Variants in SNX8 observed in about 807,000 individuals in gnomAD.
SNX8 encodes the protein sorting nexin 8, also known as sorting nexin-8.
SNX8 carries 25 observed loss-of-function variants against 51.6 expected under a neutral mutation model. That is an observed-to-expected ratio of 0.48 (90% CI 0.35 to 0.68). The LOEUF (loss-of-function observed/expected upper bound fraction) is 0.68. SNX8 is among the 30% of genes least tolerant of loss of function. The pLI, the probability that SNX8 is intolerant of heterozygous loss-of-function variation, is 0.00. For missense variants in SNX8, 695 were observed against 624.0 expected, an observed-to-expected ratio of 1.11 and a Z score of -1.21; for synonymous variants, 324 against 277.0, an observed-to-expected ratio of 1.17 and a Z score of -1.68.
rs1795140306 is a variant in SNX8, at chr7:2,254,996, C to G, written c.*60G>C. 1.8e-6 allele frequency: 2 copies of G among 1,121,506 alleles called. No individual in the cohort carries two copies. The highest frequency in any genetic ancestry group is 2.6e-6 in the Non-Finnish European group (2 of 758,986). 69.5% of individuals were successfully genotyped at this position (1,121,506 alleles called of 1,614,324 possible). On this transcript the variant is annotated 3_prime_UTR_variant, in exon 11 of 11. Transcript: ENST00000222990. ...CCGTCCAAAGGGAATTACACCGGGA[C>G]ACACCGTTTGGAAAGAGGTTTTAGT...
intron 1 of SNX8, among the ~76,000 whole-genome samples, chr7:2,300,571 C>A (rs1796368310): frequency 6.6e-6 from 1 of 152,082 alleles, no homozygotes; most frequent in South Asian, 2.1e-4. Context: ...TACCACCATG[C>A]CTGGCTAATT....
At chr7:2,313,070 T>C (rs1426745967) in intron 1 of SNX8, among the ~76,000 whole-genome samples, 1 of 151,924 alleles carries the variant, frequency 6.6e-6, no homozygotes, top group African/African-American at 2.4e-5. Flanking sequence ...GCTAATTTTT[T>C]TTGTATTTTT....
chr7:2,264,517 G>T (rs1177137891), intron 5 of SNX8, 59 bp from the exon 6 acceptor site: 3 of 1,527,638 alleles, frequency 2.0e-6, no homozygotes, highest in Non-Finnish European at 2.7e-6. Context: ...CCTGTCAGAC[G>T]GCAGCAGCCG....
At chr7:2,311,702 C>A (rs1451818971) in intron 1 of SNX8, among the ~76,000 whole-genome samples, 3 of 151,940 alleles carry the variant, frequency 2.0e-5, no homozygotes, top group African/African-American at 7.2e-5. Flanking sequence ...CTTTGGGAGG[C>A]CGAGGCGGCT....
At chr7:2,331,455 C>T (rs534253641) in intron 1 of SNX8, among the ~76,000 whole-genome samples, 64 of 151,786 alleles carry the variant, frequency 4.2e-4, no homozygotes, top group African/African-American at 1.5e-3. Context: ...GCCTGTAATC[C>T]CAGCACTTTA....
rs556544785 is a variant in SNX8 at position 2,349,151 on chromosome 7, C to T, written c.-66+5071G>A. Among the ~76,000 whole-genome samples the T allele has an allele frequency of 1.7e-4, 26 of 149,786 alleles. 1 individual carries two copies. Among genetic ancestry groups the T allele is most frequent in the African/African-American group, 6.4e-4 (26 of 40,844 alleles). ...CCTGGGAGGTGGAGGTTGCAGTGAG[C>T]CGAGATCACACCACTGCACTCCAGC... On this transcript the variant is annotated intron_variant, in intron 1 of 5. Transcript: ENST00000435336.
In SNX8 at chr7:2,320,055, T is replaced by C. The variant is rs577496481; in HGVS notation, c.-66+34167A>G. Among the ~76,000 whole-genome samples the C allele has an allele frequency of 2.2e-4, 33 of 151,934 alleles. No individual in the cohort carries two copies. In the East Asian group the frequency reaches 4.7e-3, roughly 22 times the overall value. On this transcript the variant is annotated intron_variant, in intron 1 of 5. Transcript: ENST00000435336. ...AAAGTACAATAATACCTTTATTGTA[T>C]TTTTACATTTTACATGTGAGGCCAG... is the stretch of plus-strand genomic sequence containing the variant.
At position 2,342,111 on chromosome 7, in the gene SNX8, G is replaced by A. The variant is rs533774169; in HGVS notation, c.-66+12111C>T. On this transcript the variant is annotated intron_variant, in intron 1 of 5. Transcript: ENST00000435336. ...GGAGAATCGCTTGCATCTGGGAGGC[G>A]GAGGTTGCAGTGAGCCGAGATCTCA... Among the ~76,000 whole-genome samples the A allele has an allele frequency of 2.0e-5, 3 of 148,922 alleles. No individual in the cohort carries two copies. The South Asian group carries it at 6.4e-4, about 32-fold the overall frequency.
chr7:2,263,269 AG>A lies in SNX8; in HGVS notation c.875del (p.Ser292LeufsTer26). On this transcript the variant is annotated frameshift_variant, in exon 7 of 11. Coordinates refer to ENST00000222990, the MANE Select transcript of SNX8 (RefSeq NM_013321.4). LOFTEE classifies it high-confidence loss of function. ...TGTCGGCGAGCAGCGCGAATTCCAC[AG>A]ACAGGCCTTTCAGAGCCTGCTTCAG... ...GSLKQALKGL[S>X]VEFALLADKA... is the part of the protein sequence containing the mutation. 1 of 1,613,968 alleles carries A rather than the reference AG, an allele frequency of 6.2e-7. No homozygotes were observed. Among genetic ancestry groups the A allele is most frequent in the Non-Finnish European group, 8.5e-7 (1 of 1,180,010 alleles).
intron 5 of SNX8, among the ~76,000 whole-genome samples, chr7:2,268,131 C>G (rs1226319085): frequency 2.8e-5 from 4 of 144,712 alleles, no homozygotes; most frequent in South Asian, 2.2e-4. Context: ...GTCAGCCCCC[C>G]GCCTGGCCAG....
chr7:2,288,133 A>T (rs1796075029), intron 1 of SNX8: 1 of 152,094 alleles, frequency 6.6e-6, no homozygotes, highest in Non-Finnish European at 1.5e-5. Flanking sequence ...ACCTGAGGTC[A>T]GGAGTTCGAG....
chr7:2,316,275 A>C (rs769360003), upstream of SNX8, among the ~76,000 whole-genome samples: 84 of 133,280 alleles, frequency 6.3e-4, 1 homozygote, highest in Admixed American at 1.2e-3. Flanking sequence ...TCCTGAATTC[A>C]TTCACACAAC....
intron 1 of SNX8, among the ~76,000 whole-genome samples, chr7:2,297,791 G>C (rs1374632418): frequency 6.6e-6 from 1 of 151,780 alleles, no homozygotes; most frequent in African/African-American, 2.4e-5. Flanking sequence ...CTCAGGATCA[G>C]AAACCCAAAT....
intron 9 of SNX8, among the ~76,000 whole-genome samples, 160 bp from the exon 10 acceptor site, chr7:2,257,183 C>A (rs1434404800): frequency 6.6e-6 from 1 of 152,114 alleles, no homozygotes. Context: ...GGGGAGGGAG[C>A]ACCGTGCAGG....
intron 1 of SNX8, among the ~76,000 whole-genome samples, chr7:2,353,365 A>C (rs1316384262): frequency 2.0e-5 from 3 of 152,192 alleles, no homozygotes; most frequent in African/African-American, 7.2e-5. Flanking sequence ...TAGCCTGGGC[A>C]ACAGAGCGAG....
Position 2,342,617 on chromosome 7 carries a change from G to A in SNX8, c.-66+11605C>T, listed in dbSNP as rs1035501200. Among the ~76,000 whole-genome samples the A allele has an allele frequency of 3.3e-5, 5 of 151,008 alleles. No individual in the cohort carries two copies. In the East Asian group the frequency reaches 7.9e-4, roughly 24 times the overall value. On this transcript the variant is annotated intron_variant, in intron 1 of 5. Coordinates refer to the SNX8 transcript ENST00000435336. ...TGCAGTGAGCCGAGATCAGGCCACTGCACTGCAGCCTAGGCGACAGAGCGA... is the reference window on the plus strand; with the variant it reads ...TGCAGTGAGCCGAGATCAGGCCACTACACTGCAGCCTAGGCGACAGAGCGA...
chr7:2,272,007 G>A, intron 3 of SNX8, 36 bp from the exon 4 acceptor site: 2 of 1,610,332 alleles, frequency 1.2e-6, no homozygotes, highest in Non-Finnish European at 1.7e-6. Context: ...ACAGAGTCCA[G>A]GGCGCCGGCC....
chr7:2,336,409 T>C (rs150235706), intron 1 of SNX8, among the ~76,000 whole-genome samples: 1 of 148,238 alleles, frequency 6.7e-6, no homozygotes, highest in East Asian at 2.0e-4. Flanking sequence ...ATAACAATAA[T>C]AACAAATTTT....
intron 1 of SNX8, among the ~76,000 whole-genome samples, chr7:2,333,134 G>A (rs1342495468): frequency 1.3e-5 from 2 of 151,278 alleles, no homozygotes; most frequent in African/African-American, 4.8e-5. Flanking sequence ...GGCTGGTCTT[G>A]AACTCCTGAC....
Sources: allele counts gnomAD v4.1 joint callset (sites outside exome capture counted in the v4.1 genomes callset), GRCh38; gene constraint gnomAD v4.1.1; transcripts MANE v1.5; gene names NCBI Gene and HGNC (gene_info 2026-07-23, HGNC 2026-07-21).